SGCZ: variants seen among roughly 807,000 people sequenced by gnomAD.
SGCZ encodes the protein sarcoglycan zeta, also known as zeta-sarcoglycan.
In SGCZ, 40 loss-of-function variants were observed where a neutral mutation model predicts 41.3. The observed-to-expected ratio is 0.97, with a 90% CI of 0.75 to 1.26. The LOEUF is 1.26. SGCZ is among the 50% of genes most tolerant of loss of function. The probability of loss-of-function intolerance (pLI) is 0.00; values close to 1 mark genes in which losing one functional copy is unlikely to be tolerated. For synonymous variants in SGCZ, 206 were observed against 137.5 expected, an observed-to-expected ratio of 1.50 and a Z score of -3.49; for missense variants, 552 against 369.8, an observed-to-expected ratio of 1.49 and a Z score of -4.04.
intron 1 of SGCZ, among the ~76,000 whole-genome samples, chr8:14,992,134 C>A (rs1359622781): frequency 1.3e-5 from 2 of 151,006 alleles, no homozygotes; most frequent in Non-Finnish European, 3.0e-5. Flanking sequence ...TAGTATTAAT[C>A]TTGATGTTTA....
At chr8:14,198,866 C>G (rs1007656385) in intron 4 of SGCZ, among the ~76,000 whole-genome samples, 15 of 152,146 alleles carry the variant, frequency 9.9e-5, no homozygotes, top group Non-Finnish European at 1.6e-4. Flanking sequence ...TATCACTTCC[C>G]CAATCAATAC....
intron 1 of SGCZ, among the ~76,000 whole-genome samples, chr8:14,992,972 A>C (rs1802074569): frequency 6.8e-6 from 1 of 146,310 alleles, no homozygotes; most frequent in Non-Finnish European, 1.5e-5. Context: ...CTCCTCCTTC[A>C]ATCTACCCCC....
intron 1 of SGCZ, among the ~76,000 whole-genome samples, chr8:14,949,470 C>T (rs1401036207): frequency 3.3e-5 from 5 of 152,110 alleles, no homozygotes; most frequent in Non-Finnish European, 7.4e-5. Flanking sequence ...GATTTCACTT[C>T]ACATGACTGA....
At chr8:14,587,302 AC>A (rs1805091515) in intron 1 of SGCZ, among the ~76,000 whole-genome samples, 2 of 152,206 alleles carry the variant, frequency 1.3e-5, no homozygotes, top group African/African-American at 2.4e-5. Context: ...AATTAAAAAA[AC>A]AAAAGAAAAT....
At chr8:14,982,113 G>T (rs1801683359) in intron 1 of SGCZ, among the ~76,000 whole-genome samples, 1 of 149,980 alleles carries the variant, frequency 6.7e-6, no homozygotes, top group African/African-American at 2.5e-5. Flanking sequence ...TCACGCCACT[G>T]TACTCCTGCA....
intron 1 of SGCZ, among the ~76,000 whole-genome samples, chr8:14,991,323 A>C (rs1275563138): frequency 2.6e-5 from 4 of 152,158 alleles, no homozygotes; most frequent in Non-Finnish European, 5.9e-5. Context: ...CATCAGCACC[A>C]CCAAGGAGTT....
intron 3 of SGCZ, among the ~76,000 whole-genome samples, chr8:14,284,321 A>T (rs188525917): frequency 2.2e-4 from 33 of 152,292 alleles, no homozygotes; most frequent in African/African-American, 7.9e-4. Flanking sequence ...TGAGTCCAGG[A>T]GGTTGAGGCT....
intron 2 of SGCZ, among the ~76,000 whole-genome samples, chr8:14,506,088 A>G (rs1454744261): frequency 6.6e-6 from 1 of 152,024 alleles, no homozygotes; most frequent in East Asian, 1.9e-4. Context: ...CTATAATCCC[A>G]GCACTTTGGG....
At chr8:14,975,514 G>A (rs1373673348) in intron 1 of SGCZ, among the ~76,000 whole-genome samples, 3 of 152,048 alleles carry the variant, frequency 2.0e-5, no homozygotes, top group East Asian at 3.9e-4. Context: ...GAGGAGAGCT[G>A]ACCCACTTGA....
chr8:14,377,896 A>C (rs1330465939), intron 2 of SGCZ, among the ~76,000 whole-genome samples: 1 of 151,282 alleles, frequency 6.6e-6, no homozygotes, highest in African/African-American at 2.4e-5. Flanking sequence ...TCCATGGTGT[A>C]TATGTGCCAC....
At chr8:14,155,813 T>G (rs1449370037) in intron 5 of SGCZ, among the ~76,000 whole-genome samples, 1 of 152,106 alleles carries the variant, frequency 6.6e-6, no homozygotes, top group Non-Finnish European at 1.5e-5. Flanking sequence ...TTCGCCATTG[T>G]GCAAACATCA....
intron 5 of SGCZ, among the ~76,000 whole-genome samples, chr8:14,109,935 C>G (rs978344544): frequency 2.0e-5 from 3 of 152,112 alleles, no homozygotes; most frequent in Non-Finnish European, 4.4e-5. Flanking sequence ...TCTTAATGGG[C>G]TTAATAGTGT....
chr8:14,320,316 T>C (rs927859957), intron 3 of SGCZ, among the ~76,000 whole-genome samples: 4 of 151,842 alleles, frequency 2.6e-5, no homozygotes, highest in African/African-American at 9.7e-5. Flanking sequence ...GAAAGAAACC[T>C]AAATAGACCA....
chr8:14,776,017 A>G (rs1800390866), intron 1 of SGCZ, among the ~76,000 whole-genome samples: 1 of 152,216 alleles, frequency 6.6e-6, no homozygotes, highest in South Asian at 2.1e-4. Context: ...CACATGTACA[A>G]ACAATATCAT....
At chr8:14,817,819 G>A (rs942603487) in intron 1 of SGCZ, among the ~76,000 whole-genome samples, 2 of 152,156 alleles carry the variant, frequency 1.3e-5, no homozygotes, top group East Asian at 1.9e-4. Flanking sequence ...GCTACATCCA[G>A]TTCAACAGTC....
chr8:14,104,974 T>A (rs187897312), intron 6 of SGCZ, among the ~76,000 whole-genome samples: 33 of 152,220 alleles, frequency 2.2e-4, no homozygotes, highest in Admixed American at 9.2e-4. Flanking sequence ...GAGCACTGTA[T>A]AATTAGTTTC....
chr8:14,242,607 G>A (rs747497170), intron 3 of SGCZ, among the ~76,000 whole-genome samples: 14 of 152,200 alleles, frequency 9.2e-5, no homozygotes, highest in Admixed American at 2.6e-4. Flanking sequence ...CTCTGTTGAC[G>A]GCAATGTGTG....
intron 1 of SGCZ, among the ~76,000 whole-genome samples, chr8:14,915,619 G>A (rs1346846692): frequency 6.6e-6 from 1 of 152,150 alleles, no homozygotes; most frequent in Non-Finnish European, 1.5e-5. Context: ...TTTGTGTTAA[G>A]ATTAGGGCAC....
At chr8:14,894,321 A>T (rs190585707) in intron 1 of SGCZ, among the ~76,000 whole-genome samples, 1 of 152,338 alleles carries the variant, frequency 6.6e-6, no homozygotes, top group South Asian at 2.1e-4. Context: ...TGAAGAGCAC[A>T]CTTCTAAAAT....
Sources: gnomAD v4.1 joint callset for allele counts (sites outside exome capture counted in the v4.1 genomes callset) on GRCh38, gnomAD v4.1.1 for gene constraint, MANE v1.5 for transcripts, NCBI Gene and HGNC (gene_info 2026-07-23, HGNC 2026-07-21) for gene names.